GPHN: variants seen among roughly 807,000 people sequenced by gnomAD.
The protein encoded by GPHN is gephyrin.
A neutral mutation model predicts 95.5 loss-of-function variants in GPHN; 17 were observed. The observed-to-expected ratio is 0.18, with a 90% confidence interval of 0.12 to 0.27. The LOEUF (loss-of-function observed/expected upper bound fraction) is 0.27. Among genes scored for constraint, GPHN ranks in the 10% least tolerant of loss-of-function variants. The pLI is 1.00. For missense variants in GPHN, 660 were observed against 978.1 expected (o/e 0.67, Z 4.34); for synonymous variants, 320 against 322.5 (o/e 0.99, Z 0.08).
At chr14:67,489,387 A>C in the GPHN span, among the ~76,000 whole-genome samples, 27 of 152,202 alleles carry the variant, frequency 1.8e-4, no homozygotes, top group African/African-American at 6.3e-4. Flanking sequence ...AAGTCAGTGT[A>C]AACTACTTAG....
chr14:67,063,651 C>G (rs1752622617), intron 11 of GPHN, among the ~76,000 whole-genome samples: 1 of 152,142 alleles, frequency 6.6e-6, no homozygotes, highest in African/African-American at 2.4e-5. Context: ...CTTCACATCC[C>G]TTGTAAATTG....
chr14:67,073,877 A>C (rs1254065707), intron 11 of GPHN, among the ~76,000 whole-genome samples: 1 of 152,214 alleles, frequency 6.6e-6, no homozygotes, highest in Non-Finnish European at 1.5e-5. Context: ...TTCCATTAAC[A>C]CAACTTCTGG....
the GPHN span, chr14:67,412,132 C>G: frequency 7.6e-7 from 1 of 1,312,872 alleles, no homozygotes; most frequent in Non-Finnish European, 9.9e-7. Flanking sequence ...ACCCGCGCAG[C>G]CCGCGCAGTC....
intron 1 of GPHN, among the ~76,000 whole-genome samples, chr14:66,664,924 A>G (rs182998296): frequency 6.7e-6 from 1 of 149,476 alleles, no homozygotes; most frequent in East Asian, 2.0e-4. Context: ...CCAGGAAGAA[A>G]TTGAATCCCT....
At chr14:66,836,896 A>G (rs2061848322) in intron 4 of GPHN, among the ~76,000 whole-genome samples, 1 of 151,200 alleles carries the variant, frequency 6.6e-6, no homozygotes. Context: ...ACAATGAGAT[A>G]CCATCTCACA....
At chr14:66,978,943 G>C (rs1219285911) in intron 9 of GPHN, among the ~76,000 whole-genome samples, 2 of 152,138 alleles carry the variant, frequency 1.3e-5, no homozygotes, top group Admixed American at 1.3e-4. Context: ...TTATCTCCTT[G>C]TATATCCCAA....
the GPHN span, among the ~76,000 whole-genome samples, chr14:67,477,162 A>G: frequency 0.57 from 85,350 of 149,266 alleles, 25,577 homozygotes; most frequent in African/African-American, 0.78. Flanking sequence ...GCGAAACTCC[A>G]TCTCAAAAAA....
intron 10 of GPHN, among the ~76,000 whole-genome samples, chr14:67,045,259 A>T (rs964494884): frequency 6.6e-6 from 1 of 152,176 alleles, no homozygotes; most frequent in East Asian, 1.9e-4. Context: ...AATTTCCACA[A>T]CTACCCGCAG....
chr14:66,526,660 C>A (rs1018413652), intron 1 of GPHN, among the ~76,000 whole-genome samples: 2 of 151,982 alleles, frequency 1.3e-5, no homozygotes, highest in African/African-American at 4.8e-5. Flanking sequence ...TCCATCAATA[C>A]CTAGTTTATT....
rs1163272100 is a variant in GPHN, at chr14:66,874,968, A to G, written c.295-4971A>G. Reference sequence around the variant, plus strand: ...AGACACATAATCATCAGATTCACCAACGTTGGAATGAAGGAATAAATGGTA... The same window carrying G: ...AGACACATAATCATCAGATTCACCAGCGTTGGAATGAAGGAATAAATGGTA... On this transcript the variant is annotated intron_variant, in intron 4 of 22. Coordinates refer to ENST00000478722, the MANE Select transcript of GPHN (RefSeq NM_020806.5). Among the ~76,000 whole-genome samples, 5 of 152,292 alleles carry G rather than the reference A, an allele frequency of 3.3e-5. No individual in the cohort carries two copies. In the East Asian group the frequency reaches 5.8e-4, roughly 18 times the overall value.
intron 3 of GPHN, chr14:66,823,340 A>G (rs893452109): frequency 6.6e-6 from 1 of 152,208 alleles, no homozygotes; most frequent in Non-Finnish European, 1.5e-5. Flanking sequence ...AGCTATTTAT[A>G]AGAGTGAGTA....
intron 3 of GPHN, among the ~76,000 whole-genome samples, chr14:66,807,667 A>G (rs141316576): frequency 6.6e-6 from 1 of 152,316 alleles, no homozygotes; most frequent in African/African-American, 2.4e-5. Flanking sequence ...CACTATCCTG[A>G]TTTCTAGCAA....
intron 8 of GPHN, among the ~76,000 whole-genome samples, chr14:66,945,731 A>G (rs997744473): frequency 6.6e-6 from 1 of 152,230 alleles, no homozygotes; most frequent in African/African-American, 2.4e-5. Context: ...CAGTTTTAAA[A>G]AGGTAAAAGA....
chr14:67,349,027 G>C, the GPHN span: 4 of 1,613,076 alleles, frequency 2.5e-6, no homozygotes, highest in Non-Finnish European at 3.4e-6. Context: ...CTAAAAGGTT[G>C]AAACGTTACC....
intron 1 of GPHN, among the ~76,000 whole-genome samples, chr14:66,663,558 A>G (rs998647795): frequency 3.9e-5 from 6 of 152,358 alleles, no homozygotes; most frequent in Admixed American, 1.3e-4. Flanking sequence ...CTATAAAGTA[A>G]CCACAAGTTA....
the GPHN span, among the ~76,000 whole-genome samples, chr14:67,354,865 G>C: frequency 6.6e-6 from 1 of 152,210 alleles, no homozygotes; most frequent in Non-Finnish European, 1.5e-5. Flanking sequence ...CCAGGCTAGA[G>C]TGCAATGGCG....
At chr14:67,080,150 A>C (rs769028639) in intron 11 of GPHN, among the ~76,000 whole-genome samples, 5 of 151,710 alleles carry the variant, frequency 3.3e-5, no homozygotes, top group Non-Finnish European at 5.9e-5. Context: ...TTTGACTTTC[A>C]TTTTTCTGAC....
chr14:66,533,217 AAATT>A (rs1237533966), intron 1 of GPHN, among the ~76,000 whole-genome samples: 2 of 152,252 alleles, frequency 1.3e-5, no homozygotes, highest in Admixed American at 1.3e-4. Context: ...GTAAGAACTG[AAATT>A]AATTCAGTAT....
chr14:67,529,478 G>A, the GPHN span, among the ~76,000 whole-genome samples: 1 of 152,156 alleles, frequency 6.6e-6, no homozygotes, highest in South Asian at 2.1e-4. Context: ...GTAACTGAAT[G>A]AATAAATGAA....
Sources: allele counts gnomAD v4.1 joint callset (sites outside exome capture counted in the v4.1 genomes callset), GRCh38; gene constraint gnomAD v4.1.1; transcripts MANE v1.5; gene names NCBI Gene and HGNC (gene_info 2026-07-23, HGNC 2026-07-21).